The following NUMB variants were observed in gnomAD, a reference collection of about 807,000 sequenced individuals.
NUMB encodes protein numb homolog.
A neutral mutation model predicts 59.7 loss-of-function variants in NUMB; 29 were observed. That is an observed-to-expected ratio of 0.49 (90% CI 0.36 to 0.66). The LOEUF (loss-of-function observed/expected upper bound fraction) is 0.66, where lower values mean the gene tolerates loss of function less well. Ranked by LOEUF, NUMB falls within the 30% of genes least tolerant of loss-of-function variation. The pLI is 0.00. For synonymous variants in NUMB, 288 were observed against 288.2 expected, an observed-to-expected ratio of 1.00 and a Z score of 0.01; for missense variants, 723 against 822.0, an observed-to-expected ratio of 0.88 and a Z score of 1.47.
At chr14:73,346,309 C>T (rs868086845) in intron 4 of NUMB, among the ~76,000 whole-genome samples, 2 of 152,016 alleles carry the variant, frequency 1.3e-5, no homozygotes, top group Middle Eastern at 3.4e-3. Flanking sequence ...GAGAAACCCC[C>T]GTCTCTACTA....
In NUMB at chr14:73,389,272, C is replaced by CAAAAAAAAAAAA. The variant is rs869074049; in HGVS notation, c.-101+20653_-101+20664dup. ...GGTTACAGAGCGAGACTCCATCTCT[C>CAAAAAAAAAAAA]AAAAAAAAAAAAAAAAAAAAACAAA... On this transcript the variant is annotated intron_variant, in intron 2 of 12. Coordinates refer to ENST00000555238, the MANE Select transcript of NUMB (RefSeq NM_001005743.2). Among the ~76,000 whole-genome samples, 37 of 66,434 alleles carry CAAAAAAAAAAAA rather than the reference C, an allele frequency of 5.6e-4. 1 individual carries two copies. Among genetic ancestry groups the CAAAAAAAAAAAA allele is most frequent in the African/African-American group, 1.8e-3 (30 of 17,126 alleles). The allele number at this position is 66,434 out of a possible 152,430, so 43.6% of individuals were successfully genotyped here.
intron 1 of NUMB, among the ~76,000 whole-genome samples, chr14:73,428,990 TA>T (rs1897704636): frequency 6.6e-6 from 1 of 152,106 alleles, no homozygotes; most frequent in South Asian, 2.1e-4. Context: ...AGAACAGATA[TA>T]AAAGATACAC....
intron 1 of NUMB, among the ~76,000 whole-genome samples, chr14:73,451,179 A>C (rs1276517992): frequency 3.2e-4 from 47 of 148,942 alleles, no homozygotes; most frequent in African/African-American, 1.1e-3. Context: ...AAAAAACAAA[A>C]AACAAATCTA....
intron 4 of NUMB, among the ~76,000 whole-genome samples, chr14:73,340,367 C>G (rs1423734698): frequency 6.6e-6 from 1 of 152,188 alleles, no homozygotes; most frequent in East Asian, 1.9e-4. Context: ...CAACCCCACC[C>G]CAGGCAAACT....
At position 73,277,113 on chromosome 14, in the gene NUMB, G is replaced by A. The variant is rs1888219069; in HGVS notation, c.1421C>T (p.Ala474Val). ...GAAAGGTGATGCTGGCTGGGAGATG[G>A]CAGTGGGTGGAGGAGGCTGGAGAAC... ...QPVLQPPPPT[A>V]ISQPASPFQG... is the part of the protein sequence containing the mutation. Residue 474 changes from alanine to valine, a missense_variant, in exon 13 of 13, where the codon GCC (alanine) becomes GTC (valine). This residue lies in a region of NUMB where 406 missense variants were observed against 385.4 expected (regional missense o/e 1.05). Transcript: ENST00000555238. 6 of 1,614,094 alleles carry A rather than the reference G, an allele frequency of 3.7e-6. No homozygotes were observed. Among genetic ancestry groups the A allele is most frequent in the Non-Finnish European group, 5.1e-6 (6 of 1,180,026 alleles).
Position 73,282,425 on chromosome 14 carries a change from G to T in NUMB, c.1030C>A (p.Pro344Thr). The T allele has an allele frequency of 6.2e-7, 1 of 1,614,152 alleles. No homozygotes were observed. Among genetic ancestry groups the T allele is most frequent in the Middle Eastern group, 1.6e-4 (1 of 6,062 alleles). The change falls in exon 11 of 13, where the codon CCC becomes ACC. Residue 344 changes from proline (P) to threonine (T), a missense_variant. Pro to Thr is a conservative substitution (Grantham distance 38). This residue lies in a region of NUMB where 317 missense variants were observed against 436.6 expected (regional missense o/e 0.73). Coordinates refer to ENST00000555238, the MANE Select transcript of NUMB (RefSeq NM_001005743.2). ...ITNAFSTPED[P>T]FSSAPMTKPV... ...TTGGTCATCGGAGCAGATGAGAAGG[G>T]GTCCTCAGGTGTGCTGAAGGCATTG... is the stretch of plus-strand genomic sequence containing the variant.
intron 1 of NUMB, among the ~76,000 whole-genome samples, chr14:73,418,525 G>A (rs552715540): frequency 1.8e-4 from 28 of 151,862 alleles, no homozygotes; most frequent in East Asian, 1.2e-3. Flanking sequence ...TAATCCCAGC[G>A]CTTTGGGAGG....
At chr14:73,405,166 C>A (rs1896599294) in intron 2 of NUMB, among the ~76,000 whole-genome samples, 1 of 152,198 alleles carries the variant, frequency 6.6e-6, no homozygotes, top group South Asian at 2.1e-4. Flanking sequence ...GCATGAACAG[C>A]TATTTGAAGA....
intron 1 of NUMB, among the ~76,000 whole-genome samples, chr14:73,456,690 T>G (rs1455427551): frequency 6.6e-6 from 1 of 152,254 alleles, no homozygotes; most frequent in African/African-American, 2.4e-5. Flanking sequence ...ATAGGATCTT[T>G]TAGGCAATTT....
At position 73,292,795 on chromosome 14, in the gene NUMB, A is replaced by G; in HGVS notation, c.389T>C (p.Ile130Thr). ...GCGACGAGTGGTGCCATCACGGCAT[A>G]TGTAAGAAAAGGCTCTATCAAAGTT... ...DRNFDRAFSY[I>T]CRDGTTRRWI... Residue 130 changes from isoleucine (I) to threonine (T), a missense_variant, in exon 8 of 13, where the codon ATA (isoleucine) becomes ACA (threonine). By Grantham distance (89) the Ile-to-Thr change is moderately conservative (BLOSUM62 -1). This residue lies in a region of NUMB where 317 missense variants were observed against 436.6 expected (regional missense o/e 0.73). Coordinates refer to ENST00000555238, the MANE Select transcript of NUMB (RefSeq NM_001005743.2). 6.2e-7 allele frequency: 1 copy of G among 1,614,242 alleles called. No individual in the cohort carries two copies. The highest frequency in any genetic ancestry group is 8.5e-7 in the Non-Finnish European group (1 of 1,180,038).
At chr14:73,351,569 T>TAAA (rs898935186) in intron 4 of NUMB, among the ~76,000 whole-genome samples, 1 of 151,916 alleles carries the variant, frequency 6.6e-6, no homozygotes, top group Non-Finnish European at 1.5e-5. Context: ...CATTCTTGCT[T>TAAA]AAAAAAAACT....
chr14:73,358,673 C>T (rs890317990), intron 3 of NUMB, among the ~76,000 whole-genome samples: 2 of 136,882 alleles, frequency 1.5e-5, no homozygotes, highest in South Asian at 2.3e-4. Flanking sequence ...TCATATAATT[C>T]GGATTAATAC....
In NUMB at chr14:73,319,102, C is replaced by T. The variant is rs552469459; in HGVS notation, c.202-2680G>A. Among the ~76,000 whole-genome samples the T allele has an allele frequency of 2.6e-5, 4 of 152,002 alleles. No homozygotes were observed. In the South Asian group the frequency reaches 8.3e-4, roughly 32 times the overall value. ...CAGCCTGGCCAACATGGTGAAACCC[C>T]GTCTCATACAATTAGCTGAGTGTGG... On this transcript the variant is annotated intron_variant, in intron 5 of 12. Coordinates refer to ENST00000555238, the MANE Select transcript of NUMB (RefSeq NM_001005743.2).
In NUMB at chr14:73,313,153, A is replaced by T. The variant is rs939346395; in HGVS notation, c.234+3237T>A. Reference sequence around the variant, plus strand: ...AGGTGTGTGCCACCATGCCCAGCTAATTTTTTTTGTATTTTCAGTAGAGAA... The same window carrying T: ...AGGTGTGTGCCACCATGCCCAGCTATTTTTTTTTGTATTTTCAGTAGAGAA... On this transcript the variant is annotated intron_variant, in intron 6 of 12. Transcript: ENST00000555238. Among the ~76,000 whole-genome samples the T allele has an allele frequency of 2.0e-5, 3 of 151,362 alleles. No individual in the cohort carries two copies. In the East Asian group the frequency reaches 5.8e-4, roughly 29 times the overall value.
chr14:73,398,384 G>GAC (rs57541659), intron 2 of NUMB, among the ~76,000 whole-genome samples: 4,817 of 141,052 alleles, frequency 0.034, 199 homozygotes, highest in African/African-American at 0.11. Flanking sequence ...ATGAGAGAGA[G>GAC]ACACACACAG....
intron 2 of NUMB, among the ~76,000 whole-genome samples, chr14:73,395,230 C>G (rs1006815788): frequency 5.3e-5 from 8 of 152,008 alleles, no homozygotes; most frequent in Non-Finnish European, 1.0e-4. Context: ...CACACACACT[C>G]TCTACATTTC....
intron 6 of NUMB, among the ~76,000 whole-genome samples, chr14:73,300,348 G>C (rs1014084783): frequency 6.6e-6 from 1 of 152,088 alleles, no homozygotes; most frequent in Non-Finnish European, 1.5e-5. Context: ...TGTAAAGGAG[G>C]GAGTAGCAAG....
rs780265106 is a variant in NUMB, at chr14:73,277,241, G to C, written c.1293C>G (p.Ala431=). The stretch of plus-strand genomic sequence containing the variant: ...CCTCAGAGGGAGTACGTCTATGACC[G>C]GCCTGGAAGAGACCTGGAGAGGCAG... ...SGAASPGLFQ[A]GHRRTPSEAD... The change falls in exon 13 of 13, where the codon GCC becomes GCG. Residue 431 remains alanine (A), a synonymous_variant. Coordinates refer to ENST00000555238, the MANE Select transcript of NUMB (RefSeq NM_001005743.2). 4 of 1,611,440 alleles carry C rather than the reference G, an allele frequency of 2.5e-6. No homozygotes were observed. The highest frequency in any genetic ancestry group is 3.4e-6 in the Non-Finnish European group (4 of 1,177,854).
Position 73,276,574 on chromosome 14 carries a change from T to C in NUMB, c.*4A>G, listed in dbSNP as rs770637219. The C allele has an allele frequency of 3.1e-6, 5 of 1,608,194 alleles. No homozygotes were observed. The highest frequency in any genetic ancestry group is 4.3e-6 in the Non-Finnish European group (5 of 1,175,922). On this transcript the variant is annotated 3_prime_UTR_variant, in exon 13 of 13. Transcript: ENST00000555238. ...TGGACAAGATACATAGCCATAATGA[T>C]TGCTTAAAGTTCAATTTCAAACGTC...
Sources: allele counts gnomAD v4.1 joint callset (sites outside exome capture counted in the v4.1 genomes callset), GRCh38; gene constraint gnomAD v4.1.1; regional missense constraint gnomAD v4.1.1; transcripts MANE v1.5; gene names NCBI Gene and HGNC (gene_info 2026-07-23, HGNC 2026-07-21).